The following EPHA6 variants were observed in gnomAD, a reference collection of about 807,000 sequenced individuals.
EPHA6 encodes the protein ephrin type-A receptor 6.
In EPHA6, 50 loss-of-function variants were observed where a neutral mutation model predicts 112.0. The ratio of observed to expected loss-of-function variants is 0.45; its 90% CI spans 0.36 to 0.56. The LOEUF (loss-of-function observed/expected upper bound fraction) is 0.56, where lower values mean the gene tolerates loss of function less well. Ranked by LOEUF, EPHA6 falls within the 20% of genes least tolerant of loss-of-function variation. The pLI is 0.00. For missense variants in EPHA6, 1,280 were observed against 1,417.4 expected (o/e 0.90, Z 1.56); for synonymous variants, 529 against 490.7 (o/e 1.08, Z -1.03).
chr3:97,113,319 A>C (rs1006136084), intron 3 of EPHA6, among the ~76,000 whole-genome samples: 1 of 152,126 alleles, frequency 6.6e-6, no homozygotes, highest in South Asian at 2.1e-4. Context: ...AGTAAAAGCC[A>C]TGTAACTGAG....
At chr3:96,947,688 C>A (rs1576136681) in intron 2 of EPHA6, among the ~76,000 whole-genome samples, 1 of 152,112 alleles carries the variant, frequency 6.6e-6, no homozygotes, top group African/African-American at 2.4e-5. Flanking sequence ...ATCTAACTTA[C>A]AAGGGATGTG....
At position 97,752,301 on chromosome 3, in the gene EPHA6, C is replaced by A. The variant is rs1464252416; in HGVS notation, c.*3600C>A. ...CAGAAGAGACGGTAAAGAATGAATT[C>A]TTTTACTTATCACCCAACCACATTT... On this transcript the variant is annotated 3_prime_UTR_variant, in exon 18 of 18. Coordinates refer to ENST00000389672, the MANE Select transcript of EPHA6 (RefSeq NM_001080448.3). 2.7e-5 allele frequency: 6 copies of A among 224,112 alleles called. No homozygotes were observed. Among genetic ancestry groups the A allele is most frequent in the Non-Finnish European group, 4.5e-5 (5 of 112,314 alleles). The allele number at this position is 224,112 out of a possible 1,614,324, so 13.9% of individuals were successfully genotyped here. A position where few individuals can be genotyped will look rare whatever the true frequency, so the allele number is the denominator to read the frequency against.
At chr3:97,188,195 A>G (rs1266217565) in intron 3 of EPHA6, among the ~76,000 whole-genome samples, 1 of 152,140 alleles carries the variant, frequency 6.6e-6, no homozygotes, top group Non-Finnish European at 1.5e-5. Flanking sequence ...TTAATTGCAA[A>G]TAGTGTTCAG....
chr3:97,682,119 G>A (rs749814402), intron 14 of EPHA6, among the ~76,000 whole-genome samples: 51 of 152,102 alleles, frequency 3.4e-4, no homozygotes, highest in South Asian at 1.2e-3. Context: ...AGAATGGAAA[G>A]CCCATCTAAT....
intron 5 of EPHA6, among the ~76,000 whole-genome samples, chr3:97,379,522 G>T (rs2085584662): frequency 6.6e-6 from 1 of 151,554 alleles, no homozygotes. Context: ...AGGCTGAGGT[G>T]GGTGGATCAT....
chr3:97,069,638 G>C (rs183994740), intron 3 of EPHA6, among the ~76,000 whole-genome samples: 1 of 152,226 alleles, frequency 6.6e-6, no homozygotes, highest in Non-Finnish European at 1.5e-5. Flanking sequence ...AACAGCATCT[G>C]TATGGCAGTC....
At chr3:96,828,323 A>G (rs1197041314) in intron 1 of EPHA6, among the ~76,000 whole-genome samples, 2 of 152,106 alleles carry the variant, frequency 1.3e-5, no homozygotes, top group African/African-American at 4.8e-5. Flanking sequence ...ACGTGGACCT[A>G]TCTAACATGA....
intron 13 of EPHA6, among the ~76,000 whole-genome samples, chr3:97,616,414 A>C (rs981262864): frequency 1.3e-5 from 2 of 152,148 alleles, no homozygotes; most frequent in African/African-American, 4.8e-5. Flanking sequence ...AGGGTTCAGA[A>C]CTGGACTGAG....
chr3:97,337,884 A>C (rs923050659), intron 5 of EPHA6, among the ~76,000 whole-genome samples: 3 of 152,150 alleles, frequency 2.0e-5, no homozygotes, highest in Non-Finnish European at 4.4e-5. Context: ...AAGACGAGCA[A>C]CTCAGTGGGT....
At chr3:97,499,308 C>T (rs1040410023) in intron 10 of EPHA6, among the ~76,000 whole-genome samples, 1 of 152,124 alleles carries the variant, frequency 6.6e-6, no homozygotes, top group Admixed American at 6.6e-5. Context: ...ATAATTGTTG[C>T]CTTTATAACT....
intron 3 of EPHA6, among the ~76,000 whole-genome samples, chr3:97,095,309 G>A (rs949792964): frequency 1.3e-5 from 2 of 151,896 alleles, no homozygotes; most frequent in Non-Finnish European, 2.9e-5. Flanking sequence ...TCATGGGGTA[G>A]GGGGAAAAGG....
At chr3:97,662,722 G>A (rs1351425381) in intron 14 of EPHA6, among the ~76,000 whole-genome samples, 1 of 152,080 alleles carries the variant, frequency 6.6e-6, no homozygotes, top group Non-Finnish European at 1.5e-5. Context: ...GTTAACAAGT[G>A]GAACAAATAT....
rs574945529 is a variant in EPHA6, at chr3:96,945,661, G to A, written c.451-41669G>A. Among the ~76,000 whole-genome samples the A allele has an allele frequency of 1.5e-4, 23 of 151,664 alleles. No homozygotes were observed. In the East Asian group the frequency reaches 1.7e-3, roughly 12 times the overall value. ...ATGATAATTTTAAAGCATTTAGTGC[G>A]GCACATTAATTACAGATTTACATTA... On this transcript the variant is annotated intron_variant, in intron 2 of 17. Transcript: ENST00000389672.
chr3:97,244,564 T>C (rs377167989), intron 5 of EPHA6: 1 of 416,376 alleles, frequency 2.4e-6, no homozygotes, highest in Non-Finnish European at 4.2e-6. Context: ...TCTTAATGAG[T>C]AAGTCCATAT....
At chr3:97,441,445 C>T (rs190532852) in intron 6 of EPHA6, 4 of 979,582 alleles carry the variant, frequency 4.1e-6, no homozygotes, top group Admixed American at 6.2e-5. Context: ...AAGAAGAAAA[C>T]GTCCTCAACT....
rs1445248049 is a variant in EPHA6, at chr3:97,754,764, C to T, written c.*6063C>T. ...TGTCGCCTAGGCTGGAGTGCAGTGG[C>T]GAGATCTCGGCTCACTGCTAACTCC... On this transcript the variant is annotated 3_prime_UTR_variant, in exon 18 of 18. Coordinates refer to ENST00000389672, the MANE Select transcript of EPHA6 (RefSeq NM_001080448.3). 1.3e-5 allele frequency among the ~76,000 whole-genome samples: 2 copies of T among 152,048 alleles called. No individual in the cohort carries two copies. Among genetic ancestry groups the T allele is most frequent in the Non-Finnish European group, 2.9e-5 (2 of 67,992 alleles).
rs181005392 is a variant in EPHA6 at position 97,530,823 on chromosome 3, T to A, written c.2201-1535T>A. On this transcript the variant is annotated intron_variant, in intron 10 of 17. Coordinates refer to ENST00000389672, the MANE Select transcript of EPHA6 (RefSeq NM_001080448.3). ...GCAAAGTTACGCCTTGTTTCCTTCC[T>A]GGTTATTTATTTTGCCTAAAAAATC... Among the ~76,000 whole-genome samples, 186 of 152,134 alleles carry A rather than the reference T, an allele frequency of 1.2e-3. 2 individuals carry two copies. The highest frequency in any genetic ancestry group is 4.3e-3 in the African/African-American group (178 of 41,560).
chr3:97,596,059 C>A (rs1342746369), intron 12 of EPHA6, among the ~76,000 whole-genome samples: 1 of 151,928 alleles, frequency 6.6e-6, no homozygotes, highest in East Asian at 1.9e-4. Context: ...GCGCCCGCCA[C>A]CGCTCCCGGC....
At chr3:97,325,964 T>C (rs2082399160) in intron 5 of EPHA6, among the ~76,000 whole-genome samples, 1 of 152,036 alleles carries the variant, frequency 6.6e-6, no homozygotes, top group South Asian at 2.1e-4. Flanking sequence ...TCCATTACCA[T>C]AGGATTATTC....
Sources: gnomAD v4.1 joint callset for allele counts (sites outside exome capture counted in the v4.1 genomes callset) on GRCh38, gnomAD v4.1.1 for gene constraint, MANE v1.5 for transcripts, NCBI Gene and HGNC (gene_info 2026-07-23, HGNC 2026-07-21) for gene names.